The following STARD13 variants were observed in gnomAD, a reference collection of about 807,000 sequenced individuals.
STARD13 encodes StAR related lipid transfer domain containing 13.
A neutral mutation model predicts 106.4 loss-of-function variants in STARD13; 62 were observed. That is an observed-to-expected ratio of 0.58 (90% CI 0.48 to 0.72). STARD13 has a LOEUF of 0.72. Among genes scored for constraint, STARD13 ranks in the 30% least tolerant of loss-of-function variants. The probability of loss-of-function intolerance (pLI) is 0.00; values close to 1 mark genes in which losing one functional copy is unlikely to be tolerated. For synonymous variants in STARD13, 565 were observed against 553.0 expected, an observed-to-expected ratio of 1.02 and a Z score of -0.31; for missense variants, 1,387 against 1,424.0, an observed-to-expected ratio of 0.97 and a Z score of 0.42.
At chr13:33,466,900 C>G in the STARD13 span, among the ~76,000 whole-genome samples, 2 of 152,044 alleles carry the variant, frequency 1.3e-5, no homozygotes, top group Non-Finnish European at 2.9e-5. Flanking sequence ...TTAAGACAAT[C>G]CCAATTCAGA....
At chr13:33,664,631 C>A in the STARD13 span, among the ~76,000 whole-genome samples, 10 of 152,218 alleles carry the variant, frequency 6.6e-5, no homozygotes, top group African/African-American at 4.8e-5. Flanking sequence ...AAACTATTGA[C>A]TCTTTTATTT....
At chr13:33,343,600 AATCT>A (rs1207968828) in intron 1 of STARD13, among the ~76,000 whole-genome samples, 13 of 105,742 alleles carry the variant, frequency 1.2e-4, no homozygotes, top group African/African-American at 3.7e-4. Flanking sequence ...AAAAAAAACA[AATCT>A]ACAAATCTAG....
the STARD13 span, among the ~76,000 whole-genome samples, chr13:33,586,543 A>G: frequency 6.6e-6 from 1 of 152,168 alleles, no homozygotes; most frequent in Non-Finnish European, 1.5e-5. Context: ...ACTATTACTT[A>G]TGGCTGGATA....
At chr13:33,359,165 A>G in the STARD13 span, among the ~76,000 whole-genome samples, 1 of 151,970 alleles carries the variant, frequency 6.6e-6, no homozygotes, top group East Asian at 1.9e-4. Flanking sequence ...GCTCTTTGCA[A>G]TAAATTTTGC....
At chr13:33,348,276 T>G (rs2078037616), downstream of STARD13, among the ~76,000 whole-genome samples, 1 of 152,262 alleles carries the variant, frequency 6.6e-6, no homozygotes, top group Non-Finnish European at 1.5e-5. Context: ...TTTCTATATA[T>G]TCACGATCTT....
the STARD13 span, among the ~76,000 whole-genome samples, chr13:33,466,626 T>C: frequency 6.6e-6 from 1 of 152,250 alleles, no homozygotes; most frequent in Non-Finnish European, 1.5e-5. Flanking sequence ...TATTTATTTG[T>C]ATTTCATTGT....
intron 1 of STARD13, among the ~76,000 whole-genome samples, chr13:33,192,886 G>A (rs890427486): frequency 2.9e-4 from 44 of 151,662 alleles, no homozygotes; most frequent in East Asian, 3.9e-4. Flanking sequence ...CAAAAAGAGC[G>A]AAACTCTGTC....
chr13:33,273,774 C>A (rs1049548426), intron 1 of STARD13, among the ~76,000 whole-genome samples: 7 of 152,116 alleles, frequency 4.6e-5, no homozygotes, highest in African/African-American at 1.4e-4. Flanking sequence ...TTGTACAGCA[C>A]TTTTTTTCTG....
Position 33,103,996 on chromosome 13 carries a change from TAGAA to T in STARD13, c.*1593_*1596del, listed in dbSNP as rs1484922771. ...TTTTCCTCGCACCATACCAAACTCA[TAGAA>T]AGCTTTTTTATTCCTCTCAATAAAA... is the stretch of plus-strand genomic sequence containing the variant. On this transcript the variant is annotated 3_prime_UTR_variant, in exon 14 of 14. Transcript: ENST00000336934. 1 of 152,200 alleles carries T rather than the reference TAGAA, an allele frequency of 6.6e-6. No individual in the cohort carries two copies. The highest frequency in any genetic ancestry group is 1.5e-5 in the Non-Finnish European group (1 of 68,040). The allele number at this position is 152,200 out of a possible 1,614,324, so 9.4% of individuals were successfully genotyped here.
intron 1 of STARD13, among the ~76,000 whole-genome samples, chr13:33,313,029 C>A (rs1272553383): frequency 3.3e-5 from 5 of 152,180 alleles, no homozygotes; most frequent in Non-Finnish European, 7.3e-5. Context: ...TGAATCCAAG[C>A]CCATAATTTG....
intron 8 of STARD13, chr13:33,113,312 C>T: frequency 2.7e-6 from 1 of 370,100 alleles, no homozygotes; most frequent in Non-Finnish European, 5.3e-6. Flanking sequence ...CTTGCCCATC[C>T]TCCCTGACAG....
upstream of STARD13, chr13:33,355,179 T>C (rs1454344743): frequency 1.3e-5 from 2 of 152,216 alleles, no homozygotes; most frequent in East Asian, 1.9e-4. Flanking sequence ...TGCTATGTAA[T>C]AAGACCCATC....
chr13:33,410,663 A>T, the STARD13 span, among the ~76,000 whole-genome samples: 1 of 152,230 alleles, frequency 6.6e-6, no homozygotes, highest in African/African-American at 2.4e-5. Flanking sequence ...CACTAGAACT[A>T]GACCCTTTCA....
chr13:33,211,827 ATGTG>A (rs1215767146), intron 1 of STARD13, among the ~76,000 whole-genome samples: 333 of 147,042 alleles, frequency 2.3e-3, no homozygotes, highest in African/African-American at 7.3e-3. Flanking sequence ...GTGTGTGTGT[ATGTG>A]TGTGTGTGTG....
the STARD13 span, among the ~76,000 whole-genome samples, chr13:33,468,394 T>G: frequency 6.6e-6 from 1 of 152,204 alleles, no homozygotes; most frequent in Non-Finnish European, 1.5e-5. Flanking sequence ...CCAAGGTTCA[T>G]GTGTCAGTCA....
At chr13:33,666,022 AAAG>A in the STARD13 span, among the ~76,000 whole-genome samples, 1 of 152,212 alleles carries the variant, frequency 6.6e-6, no homozygotes, top group Non-Finnish European at 1.5e-5. Flanking sequence ...GTCCCTGAAG[AAAG>A]AGAAGCTGCT....
At chr13:33,176,641 C>T (rs147822035) in intron 1 of STARD13, among the ~76,000 whole-genome samples, 1 of 152,152 alleles carries the variant, frequency 6.6e-6, no homozygotes, top group African/African-American at 2.4e-5. Flanking sequence ...TTTGAAATAG[C>T]TTTACTTGAT....
chr13:33,300,855 T>C (rs922355495), intron 1 of STARD13, among the ~76,000 whole-genome samples: 3 of 152,210 alleles, frequency 2.0e-5, no homozygotes, highest in Non-Finnish European at 4.4e-5. Flanking sequence ...GCCTCCTTCT[T>C]GGTCTCTGTA....
intron 3 of STARD13, among the ~76,000 whole-genome samples, chr13:33,147,452 A>G (rs1278726780): frequency 6.6e-6 from 1 of 152,210 alleles, no homozygotes; most frequent in Non-Finnish European, 1.5e-5. Flanking sequence ...CTCAGCAAAG[A>G]CTGAGGGATT....
Sources: gnomAD v4.1 joint callset for allele counts (sites outside exome capture counted in the v4.1 genomes callset) on GRCh38, gnomAD v4.1.1 for gene constraint, MANE v1.5 for transcripts, NCBI Gene and HGNC (gene_info 2026-07-23, HGNC 2026-07-21) for gene names.